STXBP5: variants seen among roughly 807,000 people sequenced by gnomAD.
STXBP5 encodes syntaxin-binding protein 5.
Under a neutral mutation model 152.4 loss-of-function variants are expected in STXBP5, and 50 were observed. The ratio of observed to expected loss-of-function variants is 0.33; its 90% confidence interval spans 0.26 to 0.42. The LOEUF is 0.42. STXBP5 is among the 10% of genes least tolerant of loss of function. The pLI is 1.00. For missense variants in STXBP5, 1,167 were observed against 1,388.6 expected, an observed-to-expected ratio of 0.84 and a Z score of 2.54; for synonymous variants, 492 against 494.7, an observed-to-expected ratio of 0.99 and a Z score of 0.07.
In STXBP5 at chr6:147,339,320, C is replaced by A; in HGVS notation, c.2207-17C>A. On this transcript the variant is annotated splice_polypyrimidine_tract_variant and intron_variant, in intron 20 of 27. Transcript: ENST00000321680. ...TTGACTAGATTTTGACATTTTATAT[C>A]AAAATATTGTTTTCAGTGAAGACCA... 2.6e-6 allele frequency: 4 copies of A among 1,515,034 alleles called. No individual in the cohort carries two copies. Among genetic ancestry groups the A allele is most frequent in the South Asian group, 1.3e-5 (1 of 75,924 alleles). The allele number at this position is 1,515,034 out of a possible 1,614,324, so 93.8% of individuals were successfully genotyped here.
At chr6:147,320,617 T>C (rs1189173358) in intron 16 of STXBP5, among the ~76,000 whole-genome samples, 2 of 151,614 alleles carry the variant, frequency 1.3e-5, no homozygotes, top group East Asian at 3.9e-4. Flanking sequence ...TTTTTGTTTT[T>C]GGCAGCCATG....
At position 147,364,031 on chromosome 6, in the gene STXBP5, G is replaced by T. The variant is rs1430071799; in HGVS notation, c.2946G>T (p.Val982=). ...SLPSLRPLLD[V]YYLPLTNMRI... ...CAAGTTTAAGACCTCTGTTGGATGT[G>T]TATTACTTGCCCCTTACCAATATGC... is the stretch of plus-strand genomic sequence containing the variant. Residue 982 remains valine, a synonymous_variant, in exon 25 of 28, where the codon GTG becomes GTT. Coordinates refer to ENST00000321680, the MANE Select transcript of STXBP5 (RefSeq NM_001127715.4). The T allele has an allele frequency of 6.2e-7, 1 of 1,613,892 alleles. No individual in the cohort carries two copies. Among genetic ancestry groups the T allele is most frequent in the Non-Finnish European group, 8.5e-7 (1 of 1,179,950 alleles).
At chr6:147,237,358 A>G (rs1360860337) in intron 3 of STXBP5, among the ~76,000 whole-genome samples, 1 of 151,998 alleles carries the variant, frequency 6.6e-6, no homozygotes, top group Admixed American at 6.6e-5. Flanking sequence ...AATTAGGTGC[A>G]CCTATTTGCT....
chr6:147,332,926 A>G (rs930325777), intron 18 of STXBP5, among the ~76,000 whole-genome samples: 1 of 152,146 alleles, frequency 6.6e-6, no homozygotes, highest in Non-Finnish European at 1.5e-5. Flanking sequence ...AAGGACCCTC[A>G]ACTCAAACCT....
At chr6:147,382,642 A>T in intron 26 of STXBP5, 136 bp from the exon 27 acceptor site, 1 of 836,102 alleles carries the variant, frequency 1.2e-6, no homozygotes, top group Non-Finnish European at 1.9e-6. Context: ...AGCATGTATT[A>T]AGCATATTTC....
intron 22 of STXBP5, among the ~76,000 whole-genome samples, chr6:147,355,621 TTC>T (rs2128409421): frequency 6.6e-6 from 1 of 152,266 alleles, no homozygotes; most frequent in Admixed American, 6.5e-5. Flanking sequence ...CAGACACAAA[TTC>T]TGACTCTACC....
At chr6:147,299,078 AAC>A (rs1410349993) in intron 9 of STXBP5, among the ~76,000 whole-genome samples, 19 of 152,134 alleles carry the variant, frequency 1.2e-4, no homozygotes, top group African/African-American at 4.1e-4. Context: ...ATATCAATGA[AAC>A]ACAGTTTGTT....
At chr6:147,355,050 G>A (rs1183246591) in intron 22 of STXBP5, among the ~76,000 whole-genome samples, 1 of 152,170 alleles carries the variant, frequency 6.6e-6, no homozygotes, top group East Asian at 1.9e-4. Flanking sequence ...TCTGTGCATA[G>A]AATTCATTTT....
chr6:147,221,120 A>G (rs1244501527), intron 2 of STXBP5, among the ~76,000 whole-genome samples: 2 of 152,064 alleles, frequency 1.3e-5, no homozygotes, highest in South Asian at 2.1e-4. Flanking sequence ...ATCTGGGTCT[A>G]CTTTGAAAGA....
intron 26 of STXBP5, among the ~76,000 whole-genome samples, chr6:147,375,753 AAAATATAGT>A (rs1309800147): frequency 6.6e-6 from 1 of 151,876 alleles, no homozygotes; most frequent in African/African-American, 2.4e-5. Context: ...TAATCTCATT[AAAATATAGT>A]ACACCAGAGA....
At chr6:147,324,902 T>C in intron 16 of STXBP5, 57 bp from the exon 17 acceptor site, 1 of 1,344,178 alleles carries the variant, frequency 7.4e-7, no homozygotes, top group Non-Finnish European at 9.7e-7. Flanking sequence ...TTATTTATAA[T>C]CATATAGGCC....
At chr6:147,318,269 C>T in intron 16 of STXBP5, among the ~76,000 whole-genome samples, 1 of 152,176 alleles carries the variant, frequency 6.6e-6, no homozygotes. Flanking sequence ...GACCTCTTAC[C>T]TTGGCTTTCT....
chr6:147,226,814 G>T (rs998246526), intron 2 of STXBP5, among the ~76,000 whole-genome samples: 1 of 152,106 alleles, frequency 6.6e-6, no homozygotes, highest in Non-Finnish European at 1.5e-5. Flanking sequence ...GCCTATTAAA[G>T]TTCTCAAATA....
Position 147,266,707 on chromosome 6 carries a change from A to T in STXBP5, c.631-377A>T, listed in dbSNP as rs536647595. On this transcript the variant is annotated intron_variant, in intron 6 of 27. Transcript: ENST00000321680. ...TATGTGTCTGAATCTCACCAGAGGG[A>T]TGTAGGCTGGGTATGATTTGGAACT... Among the ~76,000 whole-genome samples the T allele has an allele frequency of 2.1e-4, 32 of 152,230 alleles. No homozygotes were observed. In the South Asian group the frequency reaches 4.8e-3, roughly 23 times the overall value.
chr6:147,339,945 A>C (rs1784016943), intron 21 of STXBP5, among the ~76,000 whole-genome samples: 1 of 151,990 alleles, frequency 6.6e-6, no homozygotes, highest in South Asian at 2.1e-4. Flanking sequence ...TGAATTGCTC[A>C]GTCCAAAGTT....
In STXBP5 at chr6:147,339,257, A is replaced by G. The variant is rs1358835850; in HGVS notation, c.2206+19A>G. 1 of 1,517,506 alleles carries G rather than the reference A, an allele frequency of 6.6e-7. No homozygotes were observed. 94.0% of individuals were successfully genotyped at this position (1,517,506 alleles called of 1,614,324 possible). A position where few individuals can be genotyped will look rare whatever the true frequency, so the allele number is the denominator to read the frequency against. On this transcript the variant is annotated intron_variant, in intron 20 of 27. Coordinates refer to ENST00000321680, the MANE Select transcript of STXBP5 (RefSeq NM_001127715.4). ...GAAAAGGGTATAGTATCTTGATTTT[A>G]AAGTATTTTCTTTTATGTTTAATTT...
At chr6:147,372,457 T>TTTTTTTTTTTTTTTG (rs1785602945) in intron 25 of STXBP5, among the ~76,000 whole-genome samples, 1 of 108,648 alleles carries the variant, frequency 9.2e-6, no homozygotes, top group Non-Finnish European at 1.8e-5. Flanking sequence ...TTTTTTTTTT[T>TTTTTTTTTTTTTTTG]TGAGACAGAT....
chr6:147,313,110 G>A (rs1190497219), intron 11 of STXBP5, among the ~76,000 whole-genome samples: 4 of 152,012 alleles, frequency 2.6e-5, no homozygotes, highest in Non-Finnish European at 1.5e-5. Context: ...GTGATAGTTG[G>A]GTTCATTTTG....
intron 2 of STXBP5, among the ~76,000 whole-genome samples, chr6:147,227,391 G>T (rs1562422183): frequency 6.6e-6 from 1 of 152,056 alleles, no homozygotes; most frequent in Non-Finnish European, 1.5e-5. Flanking sequence ...TCCCCAGAAG[G>T]ATCCATTTAA....
Sources: allele counts gnomAD v4.1 joint callset (sites outside exome capture counted in the v4.1 genomes callset), GRCh38; gene constraint gnomAD v4.1.1; transcripts MANE v1.5; gene names NCBI Gene and HGNC (gene_info 2026-07-23, HGNC 2026-07-21).